The following CAMK2B variants were observed in gnomAD, a reference collection of about 807,000 sequenced individuals.
CAMK2B encodes the protein calcium/calmodulin dependent protein kinase II beta, also known as calcium/calmodulin-dependent protein kinase type II subunit beta.
In CAMK2B, 27 loss-of-function variants were observed where a neutral mutation model predicts 93.7. The observed-to-expected ratio is 0.29, with a 90% CI of 0.21 to 0.40. The LOEUF is 0.40. CAMK2B is among the 10% of genes least tolerant of loss of function. The pLI, the probability that CAMK2B is intolerant of heterozygous loss-of-function variation, is 1.00. For synonymous variants in CAMK2B, 374 were observed against 358.8 expected (o/e 1.04, Z -0.48); for missense variants, 568 against 895.8 (o/e 0.63, Z 4.67).
intron 5 of CAMK2B, among the ~76,000 whole-genome samples, chr7:44,254,100 C>T (rs112062205): frequency 0.023 from 3,568 of 152,182 alleles, 46 homozygotes; most frequent in African/African-American, 0.043. Flanking sequence ...GGGACAGGGC[C>T]CTGTCACCTC....
chr7:44,238,960 T>G (rs1287511019), intron 13 of CAMK2B, among the ~76,000 whole-genome samples: 1 of 152,156 alleles, frequency 6.6e-6, no homozygotes, highest in Non-Finnish European at 1.5e-5. Context: ...GAGGAGCAGG[T>G]GGCCAGTGCC....
At chr7:44,317,422 ATAAT>A (rs1795076315) in intron 1 of CAMK2B, among the ~76,000 whole-genome samples, 1 of 152,176 alleles carries the variant, frequency 6.6e-6, no homozygotes, top group Non-Finnish European at 1.5e-5. Flanking sequence ...AAATAGCTTA[ATAAT>A]TTCTGTTTTG....
At chr7:44,290,769 A>G (rs1183750875) in intron 1 of CAMK2B, among the ~76,000 whole-genome samples, 1 of 152,224 alleles carries the variant, frequency 6.6e-6, no homozygotes, top group Non-Finnish European at 1.5e-5. Context: ...CTTTTATATG[A>G]ACAGAGTGCT....
rs1294032220 is a variant in CAMK2B, at chr7:44,240,597, C to T, written c.946+110G>A. ...CAGAGCTGAGGGCAGACGCCGAGGG[C>T]AGGCCTGCCGCAGAGGAGGAGTGGA... On this transcript the variant is annotated intron_variant, in intron 12 of 23. Transcript: ENST00000395749. 5 of 1,266,422 alleles carry T rather than the reference C, an allele frequency of 3.9e-6. No individual in the cohort carries two copies. The African/African-American group carries it at 7.3e-5, about 19-fold the overall frequency. 78.4% of individuals were successfully genotyped at this position (1,266,422 alleles called of 1,614,324 possible). A position where few individuals can be genotyped will look rare whatever the true frequency, so the allele number is the denominator to read the frequency against.
chr7:44,263,432 A>G (rs2096897238), intron 2 of CAMK2B, among the ~76,000 whole-genome samples: 1 of 151,776 alleles, frequency 6.6e-6, no homozygotes, highest in Non-Finnish European at 1.5e-5. Flanking sequence ...TGTTCTTCCG[A>G]GGCAGGGGAG....
At chr7:44,228,092 C>T (rs757063102) in intron 19 of CAMK2B, among the ~76,000 whole-genome samples, 9 of 151,774 alleles carry the variant, frequency 5.9e-5, no homozygotes, top group Non-Finnish European at 1.0e-4. Context: ...AGGGCACCCT[C>T]CAGGGAGAGG....
At chr7:44,297,124 A>G (rs1042149180) in intron 1 of CAMK2B, among the ~76,000 whole-genome samples, 2 of 152,246 alleles carry the variant, frequency 1.3e-5, no homozygotes, top group African/African-American at 4.8e-5. Flanking sequence ...AGAAAGCAAC[A>G]TTATCAGGGA....
rs553816853 is a variant in CAMK2B, at chr7:44,225,364, G to A, written c.1597+1152C>T. Among the ~76,000 whole-genome samples, 167 of 152,100 alleles carry A rather than the reference G, an allele frequency of 1.1e-3. No homozygotes were observed. Among genetic ancestry groups the A allele is most frequent in the African/African-American group, 3.7e-3 (154 of 41,484 alleles). ...TTCTGACCACTCCCAGAGGCTCTGC[G>A]GTGCACCCACCCCAGCTGCACGGCG... is the stretch of plus-strand genomic sequence containing the variant. On this transcript the variant is annotated intron_variant, in intron 20 of 23. Coordinates refer to ENST00000395749, the MANE Select transcript of CAMK2B (RefSeq NM_001220.5). This position sits in a 1 kb window ranked among gnomAD's most constrained non-coding sequence, Gnocchi z 5.0.
intron 2 of CAMK2B, among the ~76,000 whole-genome samples, chr7:44,276,739 T>C (rs2097048504): frequency 6.6e-6 from 1 of 152,188 alleles, no homozygotes; most frequent in African/African-American, 2.4e-5. Flanking sequence ...GAGCCCCACT[T>C]GTGAGGTCAG....
intron 15 of CAMK2B, among the ~76,000 whole-genome samples, chr7:44,233,485 G>A (rs1181771119): frequency 1.3e-5 from 2 of 152,138 alleles, no homozygotes; most frequent in Non-Finnish European, 2.9e-5. Context: ...GTATTCCCGT[G>A]GGCGGTCTGG....
intron 2 of CAMK2B, among the ~76,000 whole-genome samples, chr7:44,272,089 T>C (rs1467338470): frequency 6.6e-6 from 1 of 152,046 alleles, no homozygotes; most frequent in Admixed American, 6.5e-5. Flanking sequence ...CCCTCTTCAT[T>C]TTCTTTCCGG....
chr7:44,239,503 G>T, intron 13 of CAMK2B, 86 bp downstream of exon 13: 1 of 1,303,522 alleles, frequency 7.7e-7, no homozygotes. Flanking sequence ...TCTGGAGCCC[G>T]GCCAGCGGCT....
In CAMK2B at chr7:44,244,297, C is replaced by T. The variant is rs112896351; in HGVS notation, c.415-770G>A. Among the ~76,000 whole-genome samples the T allele has an allele frequency of 6.0e-3, 914 of 152,286 alleles. 9 individuals carry two copies. The highest frequency in any genetic ancestry group is 0.021 in the African/African-American group (860 of 41,544). ...ACATCTGCTCCCTATCTTGCAGCAG[C>T]GGCCAAGGAGGCCTGGGGGCACTTG... On this transcript the variant is annotated intron_variant, in intron 6 of 23. Coordinates refer to ENST00000395749, the MANE Select transcript of CAMK2B (RefSeq NM_001220.5).
At chr7:44,320,072 G>GGTGTGT (rs749647617) in intron 1 of CAMK2B, among the ~76,000 whole-genome samples, 3 of 151,944 alleles carry the variant, frequency 2.0e-5, no homozygotes, top group Non-Finnish European at 2.9e-5. Context: ...TGTATTACTT[G>GGTGTGT]GTGTGTGTGT....
chr7:44,276,161 C>T (rs1390552795), intron 2 of CAMK2B, among the ~76,000 whole-genome samples: 8 of 151,670 alleles, frequency 5.3e-5, no homozygotes, highest in Non-Finnish European at 8.8e-5. Context: ...GAGGGCAGGG[C>T]CCCTGAGCCG....
intron 1 of CAMK2B, among the ~76,000 whole-genome samples, chr7:44,314,225 T>C (rs1173668210): frequency 6.6e-6 from 1 of 152,220 alleles, no homozygotes; most frequent in Non-Finnish European, 1.5e-5. Context: ...ATTACCACAA[T>C]CTAAGTTTAT....
chr7:44,239,452 G>A lies in CAMK2B; in HGVS notation c.1021+137C>T, dbSNP rs967735792. 1.9e-4 allele frequency: 136 copies of A among 714,858 alleles called. No individual in the cohort carries two copies. In the East Asian group the frequency reaches 3.4e-3, roughly 18 times the overall value. The allele number at this position is 714,858 out of a possible 1,614,324, so 44.3% of individuals were successfully genotyped here. On this transcript the variant is annotated intron_variant, in intron 13 of 23. Coordinates refer to ENST00000395749, the MANE Select transcript of CAMK2B (RefSeq NM_001220.5). ...GGCTCTGCTGGGATGTGACCACACG[G>A]GAGCAGGGGCTCCCGGGGGCCTGGC...
intron 1 of CAMK2B, among the ~76,000 whole-genome samples, chr7:44,299,531 AT>A (rs1471752729): frequency 6.6e-6 from 1 of 152,222 alleles, no homozygotes; most frequent in East Asian, 1.9e-4. Context: ...AAATAGTAAA[AT>A]TTTTATGTAT....
In CAMK2B at chr7:44,220,807, C is replaced by G. The variant is rs377748772; in HGVS notation, c.1673+19G>C. 4.8e-5 allele frequency: 75 copies of G among 1,561,340 alleles called. No individual in the cohort carries two copies. Among genetic ancestry groups the G allele is most frequent in the Middle Eastern group, 1.7e-4 (1 of 6,000 alleles). On this transcript the variant is annotated intron_variant, in intron 21 of 23. Coordinates refer to ENST00000395749, the MANE Select transcript of CAMK2B (RefSeq NM_001220.5). ...ACATCCTTGTCCTGCACAGCCCCCC[C>G]CCAGCCCCAGGGACTCACGCGTAGG...
Sources: allele counts gnomAD v4.1 joint callset (sites outside exome capture counted in the v4.1 genomes callset), GRCh38; gene constraint gnomAD v4.1.1; non-coding constraint Gnocchi (gnomAD v3.1); transcripts MANE v1.5; gene names NCBI Gene and HGNC (gene_info 2026-07-23, HGNC 2026-07-21).